PSD3: variants seen among roughly 807,000 people sequenced by gnomAD.
The protein encoded by PSD3 is PH and SEC7 domain-containing protein 3.
PSD3 carries 49 observed loss-of-function variants against 105.5 expected under a neutral mutation model. The ratio of observed to expected loss-of-function variants is 0.46; its 90% confidence interval spans 0.37 to 0.59. The LOEUF (loss-of-function observed/expected upper bound fraction) is 0.59. Ranked by LOEUF, PSD3 falls within the 20% of genes least tolerant of loss-of-function variation. PSD3 has a pLI of 0.00. For synonymous variants in PSD3, 557 were observed against 457.8 expected, an observed-to-expected ratio of 1.22 and a Z score of -2.77; for missense variants, 1,561 against 1,263.8, an observed-to-expected ratio of 1.24 and a Z score of -3.57.
intron 4 of PSD3, among the ~76,000 whole-genome samples, chr8:18,848,252 T>C (rs1815260813): frequency 6.6e-6 from 1 of 152,226 alleles, no homozygotes; most frequent in Non-Finnish European, 1.5e-5. Flanking sequence ...TCAGATGTGT[T>C]TTCCTAAAAC....
intron 1 of PSD3, among the ~76,000 whole-genome samples, chr8:19,073,682 G>A (rs551109361): frequency 6.6e-6 from 1 of 151,890 alleles, no homozygotes. Flanking sequence ...TATTATAAGA[G>A]GGGTCACAAA....
chr8:18,955,820 G>A (rs1823535221), intron 1 of PSD3, among the ~76,000 whole-genome samples: 1 of 151,884 alleles, frequency 6.6e-6, no homozygotes, highest in Non-Finnish European at 1.5e-5. Flanking sequence ...CCAGGCTGGA[G>A]TGTAGTGGTG....
chr8:18,636,929 T>A (rs1338563486), intron 10 of PSD3, among the ~76,000 whole-genome samples: 2 of 152,226 alleles, frequency 1.3e-5, no homozygotes, highest in Non-Finnish European at 2.9e-5. Flanking sequence ...CACTCACGTG[T>A]ATACACACAT....
chr8:18,606,743 A>G (rs1345394939), intron 11 of PSD3, among the ~76,000 whole-genome samples: 1 of 152,144 alleles, frequency 6.6e-6, no homozygotes, highest in Non-Finnish European at 1.5e-5. Context: ...CAGAACATGA[A>G]TAGAGGCATA....
At chr8:18,713,801 G>A (rs1197245528) in intron 9 of PSD3, among the ~76,000 whole-genome samples, 8 of 151,916 alleles carry the variant, frequency 5.3e-5, no homozygotes, top group Non-Finnish European at 8.8e-5. Flanking sequence ...ATATGGAACC[G>A]AAAAAGAGTC....
At chr8:18,935,695 C>CAAAA (rs10628497) in intron 2 of PSD3, among the ~76,000 whole-genome samples, 6 of 137,002 alleles carry the variant, frequency 4.4e-5, no homozygotes, top group South Asian at 2.3e-4. Flanking sequence ...GACTTTGTCT[C>CAAAA]AAAAAAAAAA....
intron 14 of PSD3, among the ~76,000 whole-genome samples, chr8:18,568,792 G>A (rs1801957151): frequency 6.6e-6 from 1 of 151,620 alleles, no homozygotes; most frequent in South Asian, 2.1e-4. Flanking sequence ...TGCCATGCTG[G>A]TGCGCTGCAC....
intron 1 of PSD3, among the ~76,000 whole-genome samples, chr8:18,956,264 G>A (rs1282722662): frequency 6.6e-6 from 1 of 152,186 alleles, no homozygotes; most frequent in Non-Finnish European, 1.5e-5. Flanking sequence ...TGAAGTATAA[G>A]AGATCAGGGC....
At chr8:18,691,121 T>C (rs1044778337) in intron 9 of PSD3, among the ~76,000 whole-genome samples, 5 of 152,166 alleles carry the variant, frequency 3.3e-5, no homozygotes, top group African/African-American at 7.2e-5. Context: ...TCCTCAAACA[T>C]ACAAAGCAAC....
At chr8:18,986,188 A>G (rs13280138) in intron 1 of PSD3, among the ~76,000 whole-genome samples, 65,825 of 152,012 alleles carry the variant, frequency 0.43, 15,190 homozygotes, top group Non-Finnish European at 0.53. Context: ...CTGAAATTGG[A>G]TTAACAGTAG....
chr8:18,824,287 G>A (rs184646790), intron 4 of PSD3, among the ~76,000 whole-genome samples: 19 of 152,334 alleles, frequency 1.2e-4, no homozygotes, highest in Admixed American at 5.2e-4. Flanking sequence ...TTCAGTCCTA[G>A]AGTACCTTCC....
At chr8:18,801,922 A>T (rs1810731789) in intron 6 of PSD3, among the ~76,000 whole-genome samples, 1 of 152,194 alleles carries the variant, frequency 6.6e-6, no homozygotes, top group Admixed American at 6.5e-5. Flanking sequence ...TAATTTCCTC[A>T]TTATGACCAA....
At chr8:19,041,106 A>C (rs1828110089) in intron 1 of PSD3, among the ~76,000 whole-genome samples, 1 of 152,134 alleles carries the variant, frequency 6.6e-6, no homozygotes, top group Non-Finnish European at 1.5e-5. Flanking sequence ...TATGTTGCCC[A>C]GGCTGGTCTC....
chr8:18,712,162 G>A (rs1802294228), intron 9 of PSD3, among the ~76,000 whole-genome samples: 1 of 152,000 alleles, frequency 6.6e-6, no homozygotes, highest in African/African-American at 2.4e-5. Flanking sequence ...AATGCCCACA[G>A]CAAAAAGCTA....
chr8:19,034,795 T>C (rs1391987386), intron 1 of PSD3, among the ~76,000 whole-genome samples: 1 of 152,190 alleles, frequency 6.6e-6, no homozygotes, highest in East Asian at 1.9e-4. Flanking sequence ...CACTCTGGTC[T>C]GGATCCCAGA....
chr8:18,763,362 G>A (rs1806701307), intron 9 of PSD3, among the ~76,000 whole-genome samples: 1 of 152,076 alleles, frequency 6.6e-6, no homozygotes, highest in Non-Finnish European at 1.5e-5. Flanking sequence ...TTGGAAAGGT[G>A]GCAAAGAAAG....
chr8:18,553,225 C>A (rs1800880349), intron 15 of PSD3, among the ~76,000 whole-genome samples: 1 of 152,088 alleles, frequency 6.6e-6, no homozygotes, highest in African/African-American at 2.4e-5. Flanking sequence ...CAAGGGAGGC[C>A]CTGTTGAGGA....
intron 9 of PSD3, among the ~76,000 whole-genome samples, chr8:18,763,408 A>C (rs115251657): frequency 0.019 from 2,823 of 152,270 alleles, 86 homozygotes; most frequent in African/African-American, 0.061. Flanking sequence ...CTGTAAGATG[A>C]CACCAAATTT....
intron 4 of PSD3, chr8:18,865,256 A>T (rs867595718): frequency 1.9e-3 from 6 of 3,086 alleles, no homozygotes; most frequent in Admixed American, 3.0e-3. Flanking sequence ...ATATATATAT[A>T]TATATATATA....
Sources: allele counts gnomAD v4.1 joint callset (sites outside exome capture counted in the v4.1 genomes callset), GRCh38; gene constraint gnomAD v4.1.1; transcripts MANE v1.5; gene names NCBI Gene and HGNC (gene_info 2026-07-23, HGNC 2026-07-21).